The following PRKCE variants were observed in gnomAD, a reference collection of about 807,000 sequenced individuals.
PRKCE encodes protein kinase C epsilon type.
PRKCE carries 16 observed loss-of-function variants against 85.4 expected under a neutral mutation model. The observed-to-expected ratio is 0.19, with a 90% confidence interval of 0.13 to 0.28. The LOEUF is 0.28. Ranked by LOEUF, PRKCE falls within the 10% of genes least tolerant of loss-of-function variation. PRKCE has a pLI of 1.00. For synonymous variants in PRKCE, 388 were observed against 371.5 expected (o/e 1.04, Z -0.51); for missense variants, 573 against 975.2 (o/e 0.59, Z 5.49).
At chr2:45,787,131 A>G (rs926436815) in intron 1 of PRKCE, among the ~76,000 whole-genome samples, 4 of 152,200 alleles carry the variant, frequency 2.6e-5, no homozygotes, top group South Asian at 2.1e-4. Context: ...TGTCCCCCCA[A>G]GCTGGGAGGA....
intron 2 of PRKCE, among the ~76,000 whole-genome samples, chr2:45,908,952 C>G (rs1245833497): frequency 2.6e-5 from 4 of 152,170 alleles, no homozygotes; most frequent in African/African-American, 9.7e-5. Context: ...ATTTCTATGT[C>G]TAATCGATTG....
At chr2:46,120,378 C>G (rs973966160) in intron 11 of PRKCE, among the ~76,000 whole-genome samples, 4 of 152,110 alleles carry the variant, frequency 2.6e-5, no homozygotes, top group Non-Finnish European at 5.9e-5. Flanking sequence ...GCCAAGGATA[C>G]TGGTAAACAT....
chr2:46,180,166 C>T lies in PRKCE; in HGVS notation c.2068-4569C>T, dbSNP rs78720732. Among the ~76,000 whole-genome samples the T allele has an allele frequency of 4.1e-3, 617 of 152,294 alleles. 15 individuals are homozygous for T. In the East Asian group the frequency reaches 0.053, roughly 13 times the overall value. ...GCACCCACAAGAAGCTTTGCTCAAG[C>T]AGCCCTGGAGGGATGAGGAGGGTTC... On this transcript the variant is annotated intron_variant, in intron 14 of 14. Coordinates refer to ENST00000306156, the MANE Select transcript of PRKCE (RefSeq NM_005400.3).
intron 11 of PRKCE, among the ~76,000 whole-genome samples, chr2:46,137,788 A>G (rs532359327): frequency 1.2e-4 from 18 of 151,654 alleles, no homozygotes; most frequent in African/African-American, 4.1e-4. Flanking sequence ...TTTCTTGTCA[A>G]GTTAGAAGTA....
At chr2:46,183,815 A>G (rs1680226141) in intron 14 of PRKCE, among the ~76,000 whole-genome samples, 1 of 152,186 alleles carries the variant, frequency 6.6e-6, no homozygotes, top group South Asian at 2.1e-4. Flanking sequence ...TTCTAACTAA[A>G]GCGATGTGTT....
intron 2 of PRKCE, among the ~76,000 whole-genome samples, chr2:45,871,160 T>C (rs1046710318): frequency 2.0e-5 from 3 of 152,336 alleles, no homozygotes; most frequent in African/African-American, 7.2e-5. Context: ...GCACATCTGT[T>C]AACCACAGAG....
At chr2:45,985,427 C>T (rs1416976519) in intron 6 of PRKCE, among the ~76,000 whole-genome samples, 1 of 152,110 alleles carries the variant, frequency 6.6e-6, no homozygotes, top group Non-Finnish European at 1.5e-5. Context: ...GTCCAGCCTG[C>T]TTGCACGGTT....
At chr2:45,979,145 T>C (rs1048934380) in intron 4 of PRKCE, 135 bp downstream of exon 4, 1 of 859,112 alleles carries the variant, frequency 1.2e-6, no homozygotes, top group Admixed American at 2.2e-5. Context: ...TTGTTCCCAC[T>C]TGACCATTAC....
chr2:46,063,833 A>G (rs889714164), intron 10 of PRKCE, among the ~76,000 whole-genome samples: 2 of 152,336 alleles, frequency 1.3e-5, no homozygotes, highest in African/African-American at 2.4e-5. Context: ...GTCATTTAAG[A>G]TACAGATTAT....
chr2:45,780,855 A>C (rs892735824), intron 1 of PRKCE, among the ~76,000 whole-genome samples: 2 of 152,214 alleles, frequency 1.3e-5, no homozygotes, highest in African/African-American at 4.8e-5. Context: ...TATCACAAAA[A>C]TGCTGTCTTT....
intron 2 of PRKCE, among the ~76,000 whole-genome samples, chr2:45,908,775 C>G (rs115969294): frequency 6.6e-6 from 1 of 152,122 alleles, no homozygotes; most frequent in Non-Finnish European, 1.5e-5. Context: ...AGGATCTCTC[C>G]GGGAGAATGT....
chr2:46,062,254 C>T (rs991847888), intron 10 of PRKCE, among the ~76,000 whole-genome samples: 1 of 152,178 alleles, frequency 6.6e-6, no homozygotes, highest in Non-Finnish European at 1.5e-5. Flanking sequence ...ATAGACATGT[C>T]CCCTACTCTT....
chr2:46,137,580 G>A (rs1352193718), intron 11 of PRKCE, among the ~76,000 whole-genome samples: 4 of 145,306 alleles, frequency 2.8e-5, no homozygotes, highest in African/African-American at 7.7e-5. Flanking sequence ...GTGAAACCCT[G>A]TCTCTACTAA....
chr2:45,870,179 C>T (rs1020863565), intron 2 of PRKCE, among the ~76,000 whole-genome samples: 1 of 152,202 alleles, frequency 6.6e-6, no homozygotes. Flanking sequence ...AAACAGCCCT[C>T]AAGTATTACT....
Position 45,651,885 on chromosome 2 carries a change from C to A in PRKCE, c.-216C>A, listed in dbSNP as rs920056911. 24 of 492,966 alleles carry A rather than the reference C, an allele frequency of 4.9e-5. No individual in the cohort carries two copies. Among genetic ancestry groups the A allele is most frequent in the Middle Eastern group, 5.3e-4 (1 of 1,890 alleles). The allele number at this position is 492,966 out of a possible 1,614,324, so 30.5% of individuals were successfully genotyped here. A position where few individuals can be genotyped will look rare whatever the true frequency, so the allele number is the denominator to read the frequency against. On this transcript the variant is annotated 5_prime_UTR_variant, in exon 1 of 15. Coordinates refer to ENST00000306156, the MANE Select transcript of PRKCE (RefSeq NM_005400.3). The stretch of plus-strand genomic sequence containing the variant: ...ACACGGACATCCCCCAGCTCTCCCC[C>A]CTCCCTGTTTTCCGTTAGGAACCCG...
intron 1 of PRKCE, among the ~76,000 whole-genome samples, chr2:45,731,780 C>A (rs898988062): frequency 6.6e-6 from 1 of 152,020 alleles, no homozygotes; most frequent in Non-Finnish European, 1.5e-5. Flanking sequence ...TGTGCCACCA[C>A]ACCTGGCTAG....
At chr2:45,913,393 A>G (rs771400030) in intron 2 of PRKCE, among the ~76,000 whole-genome samples, 2 of 152,120 alleles carry the variant, frequency 1.3e-5, no homozygotes, top group Non-Finnish European at 2.9e-5. Context: ...CAAGCGATCC[A>G]CCCATCTTGG....
chr2:46,157,843 G>A (rs1403017538), intron 13 of PRKCE, among the ~76,000 whole-genome samples: 1 of 152,240 alleles, frequency 6.6e-6, no homozygotes, highest in East Asian at 1.9e-4. Flanking sequence ...TCACTTGACT[G>A]CAGGGCCAGG....
At chr2:46,051,947 C>T (rs970770591) in intron 10 of PRKCE, among the ~76,000 whole-genome samples, 2 of 152,124 alleles carry the variant, frequency 1.3e-5, no homozygotes, top group Admixed American at 6.5e-5. Flanking sequence ...CGTGAGAAGT[C>T]ACTATCACAA....
Sources: allele counts gnomAD v4.1 joint callset (sites outside exome capture counted in the v4.1 genomes callset), GRCh38; gene constraint gnomAD v4.1.1; transcripts MANE v1.5; gene names NCBI Gene and HGNC (gene_info 2026-07-23, HGNC 2026-07-21).